ARHGEF11: variants seen among roughly 807,000 people sequenced by gnomAD.
The protein encoded by ARHGEF11 is Rho guanine exchange factor (GEF) 11.
Under a neutral mutation model 193.7 loss-of-function variants are expected in ARHGEF11, and 55 were observed. The observed-to-expected ratio is 0.28, with a 90% CI of 0.23 to 0.36. ARHGEF11 has a LOEUF of 0.36. Ranked by LOEUF, ARHGEF11 falls within the 10% of genes least tolerant of loss-of-function variation. The pLI is 1.00. For missense variants in ARHGEF11, 1,723 were observed against 2,005.6 expected, an observed-to-expected ratio of 0.86 and a Z score of 2.69; for synonymous variants, 693 against 768.0, an observed-to-expected ratio of 0.90 and a Z score of 1.62.
rs532664451 is a variant in ARHGEF11 at position 156,975,482 on chromosome 1, T to G, written c.582+1501A>C. On this transcript the variant is annotated intron_variant, in intron 7 of 40. Transcript: ENST00000368194. ...TATCAGATACTTGAATTGTAAATAT[T>G]TTTCCCCATTTCTTCTATGGGTTGT... Among the ~76,000 whole-genome samples, 98 of 152,338 alleles carry G rather than the reference T, an allele frequency of 6.4e-4. No homozygotes were observed. In the Middle Eastern group the frequency reaches 0.017, roughly 26 times the overall value.
intron 1 of ARHGEF11, among the ~76,000 whole-genome samples, chr1:157,016,924 A>G (rs973009969): frequency 2.0e-5 from 3 of 152,006 alleles, no homozygotes; most frequent in Non-Finnish European, 2.9e-5. Flanking sequence ...CGATCCTCCC[A>G]CCTCAGCCCC....
At chr1:156,967,285 T>TAATGAA (rs1661797762) in intron 11 of ARHGEF11, among the ~76,000 whole-genome samples, 1 of 152,218 alleles carries the variant, frequency 6.6e-6, no homozygotes, top group Non-Finnish European at 1.5e-5. Flanking sequence ...ACGTTGAATA[T>TAATGAA]TTAGATGTCT....
At chr1:156,938,873 C>T (rs1021246666) in intron 37 of ARHGEF11, 1 of 251,660 alleles carries the variant, frequency 4.0e-6, no homozygotes, top group Non-Finnish European at 7.5e-6. Context: ...TTCTACTTTT[C>T]TTGCCACCCT....
At chr1:156,936,497 A>AATATATATATATATATATATATAT (rs1553192804) in intron 40 of ARHGEF11, among the ~76,000 whole-genome samples, 1 of 33,934 alleles carries the variant, frequency 2.9e-5, no homozygotes, top group African/African-American at 1.5e-4. Flanking sequence ...AAAAAAAAAA[A>AATATATATATATATATATATATAT]ATATATATAT....
intron 4 of ARHGEF11, among the ~76,000 whole-genome samples, chr1:156,980,207 C>G (rs1335630419): frequency 6.6e-6 from 1 of 152,192 alleles, no homozygotes; most frequent in Admixed American, 6.5e-5. Context: ...GTTCTAGAAG[C>G]TTGGTTGCTT....
chr1:157,008,098 C>T lies in ARHGEF11; in HGVS notation c.33-21925G>A, dbSNP rs148505050. Among the ~76,000 whole-genome samples the T allele has an allele frequency of 2.9e-3, 445 of 152,196 alleles. 4 individuals are homozygous for T. The highest frequency in any genetic ancestry group is 0.024 in the East Asian group (122 of 5,178). ...TTGCCCAAGAAAATGTAGAGGGAAA[C>T]ATTTCATATAACTCAAACTCGAAAA... On this transcript the variant is annotated intron_variant, in intron 1 of 40. Transcript: ENST00000368194.
intron 30 of ARHGEF11, 77 bp from the exon 31 acceptor site, chr1:156,944,510 A>G: frequency 6.8e-7 from 1 of 1,478,210 alleles, no homozygotes; most frequent in South Asian, 1.1e-5. Context: ...TGTGTGCCAG[A>G]CATTGTGTTA....
intron 40 of ARHGEF11, among the ~76,000 whole-genome samples, chr1:156,936,480 G>GAAAAAAAAAA (rs35863393): frequency 1.9e-4 from 9 of 48,016 alleles, no homozygotes; most frequent in African/African-American, 1.0e-3. Context: ...CAAATAAATA[G>GAAAAAAAAAA]AAAAAAAAAA....
At position 156,958,837 on chromosome 1, in the gene ARHGEF11, G is replaced by C. The variant is rs1337210711; in HGVS notation, c.1407C>G (p.Ser469Arg). The change falls in exon 17 of 41, where the codon AGC (serine) becomes AGG (arginine). Residue 469 changes from serine (S) to arginine (R), a missense_variant. Physicochemically the swap from Ser to Arg is moderately radical, Grantham distance 110. Coordinates refer to ENST00000368194, the MANE Select transcript of ARHGEF11 (RefSeq NM_198236.3). ...CCAGCAGGTCATTTTCACCATACAG[G>C]CTGCCCAGCCCCAGTGTGCGCTTCG... is the stretch of plus-strand genomic sequence containing the variant. The part of the protein sequence containing the change: ...YRTKRTLGLG[S>R]LYGENDLLDL... 3 of 1,614,200 alleles carry C rather than the reference G, an allele frequency of 1.9e-6. No individual in the cohort carries two copies. The highest frequency in any genetic ancestry group is 2.5e-6 in the Non-Finnish European group (3 of 1,180,040).
intron 11 of ARHGEF11, among the ~76,000 whole-genome samples, chr1:156,965,096 T>C (rs1487772217): frequency 1.3e-5 from 2 of 152,192 alleles, no homozygotes; most frequent in Admixed American, 1.3e-4. Context: ...ATGCTGTTAT[T>C]AACATTTATT....
chr1:156,987,649 A>G (rs1665124666), intron 1 of ARHGEF11, among the ~76,000 whole-genome samples: 1 of 152,188 alleles, frequency 6.6e-6, no homozygotes, highest in Non-Finnish European at 1.5e-5. Context: ...TGAGGGTACA[A>G]GTAACTTATA....
Position 156,971,732 on chromosome 1 carries a change from G to A in ARHGEF11, c.667C>T (p.Gln223Ter). The A allele has an allele frequency of 6.2e-7, 1 of 1,614,014 alleles. No homozygotes were observed. The highest frequency in any genetic ancestry group is 8.5e-7 in the Non-Finnish European group (1 of 1,180,000). ...CCAGTCTCCTGCTGGATCTTCAGCT[G>A]TAACTGAGTGACTCGCCGCCGGGCA... ...EGARRRVTQL[Q>*]LKIQQETGGS... The change falls in exon 8 of 41, where the codon CAG (glutamine) becomes TAG (stop). Residue 223 changes from glutamine to a stop codon, truncating the protein, a stop_gained. Transcript: ENST00000368194. LOFTEE classifies it high-confidence loss of function.
rs192830771 is a variant in ARHGEF11 at position 157,045,318 on chromosome 1, C to G, written c.-988G>C. ...GTTCTGCTGTTGGGCTCCTCCACAT[C>G]CAGGCTCCGAAATTTTCTCTTGCCT... On this transcript the variant is annotated 5_prime_UTR_variant, in exon 1 of 41. Coordinates refer to ENST00000368194, the MANE Select transcript of ARHGEF11 (RefSeq NM_198236.3). 2.0e-5 allele frequency: 3 copies of G among 152,400 alleles called. No homozygotes were observed. The highest frequency in any genetic ancestry group is 7.2e-5 in the African/African-American group (3 of 41,550). 9.4% of individuals were successfully genotyped at this position (152,400 alleles called of 1,614,324 possible).
chr1:156,968,287 ATC>A (rs1189022738), intron 10 of ARHGEF11, among the ~76,000 whole-genome samples, 163 bp from the exon 11 acceptor site: 2 of 152,316 alleles, frequency 1.3e-5, no homozygotes, highest in Admixed American at 1.3e-4. Context: ...ATTACACATT[ATC>A]TCATTCGATT....
chr1:157,008,260 A>G (rs1417063208), intron 1 of ARHGEF11, among the ~76,000 whole-genome samples: 1 of 151,974 alleles, frequency 6.6e-6, no homozygotes, highest in East Asian at 1.9e-4. Flanking sequence ...CAAAATCCCT[A>G]TGTTGAAGCT....
chr1:157,038,029 CAAAA>C (rs145416871), intron 1 of ARHGEF11, among the ~76,000 whole-genome samples: 1 of 45,500 alleles, frequency 2.2e-5, no homozygotes, highest in African/African-American at 9.2e-5. Context: ...AAGACTGTCT[CAAAA>C]AAAAAAAAAA....
chr1:157,042,389 T>A (rs1322789301), intron 1 of ARHGEF11, among the ~76,000 whole-genome samples: 1 of 152,106 alleles, frequency 6.6e-6, no homozygotes, highest in African/African-American at 2.4e-5. Flanking sequence ...ACAGGACCAG[T>A]ACAGAAGCCT....
At chr1:157,038,903 CA>C (rs1308591761) in intron 1 of ARHGEF11, among the ~76,000 whole-genome samples, 3 of 152,224 alleles carry the variant, frequency 2.0e-5, no homozygotes, top group South Asian at 2.1e-4. Context: ...CCTGTAATGC[CA>C]GCTACTCAGG....
rs538076882 is a variant in ARHGEF11 at position 156,958,696 on chromosome 1, C to T, written c.1502+46G>A. On this transcript the variant is annotated intron_variant, in intron 17 of 40. Transcript: ENST00000368194. ...AGAACAGACCCACAAAATATGTCAA[C>T]CTGCTTAGGATGTTCAGTGGGGTGG... 5.6e-6 allele frequency: 9 copies of T among 1,611,292 alleles called. No individual in the cohort carries two copies. The African/African-American group carries it at 6.7e-5, about 12-fold the overall frequency.
Sources: allele counts gnomAD v4.1 joint callset (sites outside exome capture counted in the v4.1 genomes callset), GRCh38; gene constraint gnomAD v4.1.1; transcripts MANE v1.5; gene names NCBI Gene and HGNC (gene_info 2026-07-23, HGNC 2026-07-21).